Variants in DNAJC8 observed in about 807,000 individuals in gnomAD.
DNAJC8 encodes the protein dnaJ homolog subfamily C member 8.
DNAJC8 carries 24 observed loss-of-function variants against 43.2 expected under a neutral mutation model. The observed-to-expected ratio is 0.56, with a 90% confidence interval of 0.40 to 0.78. The LOEUF (loss-of-function observed/expected upper bound fraction) is 0.78, where lower values mean the gene tolerates loss of function less well. Among genes scored for constraint, DNAJC8 ranks in the 30% least tolerant of loss-of-function variants. DNAJC8 has a pLI of 0.00. For synonymous variants in DNAJC8, 83 were observed against 98.0 expected (o/e 0.85, Z 0.90); for missense variants, 207 against 299.4 (o/e 0.69, Z 2.28).
At position 28,205,254 on chromosome 1, in the gene DNAJC8, G is replaced by A. The variant is rs1254444323; in HGVS notation, c.563+4C>T. ...ATGGTTTAAATGAATATACTGATAT[G>A]TACCTTTCATGCATCTCTTTGGCTT... is the stretch of plus-strand genomic sequence containing the variant. On this transcript the variant is annotated splice_donor_region_variant and intron_variant, in intron 7 of 8. Transcript: ENST00000263697. The A allele has an allele frequency of 6.2e-7, 1 of 1,603,472 alleles. No individual in the cohort carries two copies. The highest frequency in any genetic ancestry group is 8.5e-7 in the Non-Finnish European group (1 of 1,172,620).
chr1:28,223,220 G>A (rs1318034632), intron 2 of DNAJC8, among the ~76,000 whole-genome samples: 3 of 152,192 alleles, frequency 2.0e-5, no homozygotes, highest in African/African-American at 7.2e-5. Flanking sequence ...CAGACCCCGA[G>A]TAAGAGGAGA....
At chr1:28,204,292 A>C (rs991617143) in intron 7 of DNAJC8, among the ~76,000 whole-genome samples, 1 of 152,232 alleles carries the variant, frequency 6.6e-6, no homozygotes, top group Non-Finnish European at 1.5e-5. Flanking sequence ...ATACAGAAAC[A>C]AAACTCGGCC....
chr1:28,217,624 C>T (rs1387462581), intron 2 of DNAJC8, among the ~76,000 whole-genome samples: 1 of 151,810 alleles, frequency 6.6e-6, no homozygotes, highest in Non-Finnish European at 1.5e-5. Context: ...ACTGTTCATA[C>T]AAAAATATTC....
chr1:28,218,896 G>C (rs1348488300), intron 2 of DNAJC8, among the ~76,000 whole-genome samples: 1 of 152,276 alleles, frequency 6.6e-6, no homozygotes, highest in South Asian at 2.1e-4. Flanking sequence ...ACGAGGGACT[G>C]TAACTGTTCA....
intron 4 of DNAJC8, 66 bp downstream of exon 4, chr1:28,210,505 G>T: frequency 7.1e-7 from 1 of 1,416,206 alleles, no homozygotes; most frequent in South Asian, 1.2e-5. Flanking sequence ...CTTGATCTAG[G>T]ACAAGGAACA....
At chr1:28,208,964 A>G (rs1282091581) in intron 5 of DNAJC8, among the ~76,000 whole-genome samples, 1 of 152,216 alleles carries the variant, frequency 6.6e-6, no homozygotes, top group Admixed American at 6.5e-5. Flanking sequence ...ACGAATTCAT[A>G]CAAGAATGAC....
intron 2 of DNAJC8, among the ~76,000 whole-genome samples, chr1:28,216,808 C>CTTTT (rs1178044559): frequency 1.5e-5 from 2 of 131,096 alleles, no homozygotes; most frequent in African/African-American, 5.6e-5. Flanking sequence ...GGGGCGATTT[C>CTTTT]TTTTTTTTTT....
intron 3 of DNAJC8, among the ~76,000 whole-genome samples, chr1:28,212,196 T>A (rs866665881): frequency 1.7e-4 from 19 of 114,356 alleles, no homozygotes; most frequent in Middle Eastern, 4.1e-3. Context: ...TATATATATA[T>A]ATATATATAT....
chr1:28,206,330 C>T (rs1646768193), intron 6 of DNAJC8, among the ~76,000 whole-genome samples: 2 of 152,104 alleles, frequency 1.3e-5, no homozygotes, highest in Admixed American at 6.6e-5. Flanking sequence ...TAGCTCACTG[C>T]AGCCTCAACT....
chr1:28,202,511 C>T (rs1030563759), intron 8 of DNAJC8, among the ~76,000 whole-genome samples: 1 of 151,164 alleles, frequency 6.6e-6, no homozygotes, highest in Non-Finnish European at 1.5e-5. Context: ...GATCTCCTGA[C>T]CTCATGATCC....
intron 2 of DNAJC8, among the ~76,000 whole-genome samples, chr1:28,218,758 AG>A (rs1370992186): frequency 6.6e-6 from 1 of 151,998 alleles, no homozygotes; most frequent in Admixed American, 6.6e-5. Context: ...ATACAATATT[AG>A]CCAGGCATGG....
At chr1:28,208,286 C>A (rs1182267050) in intron 6 of DNAJC8, 56 bp downstream of exon 6, 3 of 1,384,096 alleles carry the variant, frequency 2.2e-6, no homozygotes, top group Middle Eastern at 1.8e-4. Flanking sequence ...CTGTAACCCA[C>A]CAATTCGTAG....
chr1:28,210,131 G>T, intron 4 of DNAJC8, 65 bp from the exon 5 acceptor site: 1 of 1,423,640 alleles, frequency 7.0e-7, no homozygotes, highest in Non-Finnish European at 9.9e-7. Context: ...ACTATACTCA[G>T]GCAGTGTAAA....
intron 2 of DNAJC8, among the ~76,000 whole-genome samples, chr1:28,223,926 T>C (rs1238938207): frequency 2.6e-5 from 4 of 152,128 alleles, no homozygotes; most frequent in South Asian, 4.1e-4. Context: ...TTGATTTCTA[T>C]ATATCATTCT....
At chr1:28,217,660 A>G (rs1646868125) in intron 2 of DNAJC8, among the ~76,000 whole-genome samples, 1 of 151,982 alleles carries the variant, frequency 6.6e-6, no homozygotes, top group Non-Finnish European at 1.5e-5. Flanking sequence ...GTTCTGAGGA[A>G]AAGGAATCTC....
chr1:28,218,374 C>T (rs563964282), intron 2 of DNAJC8, among the ~76,000 whole-genome samples: 12 of 151,808 alleles, frequency 7.9e-5, no homozygotes, highest in East Asian at 3.9e-4. Context: ...GGATTACAGG[C>T]GTGAGCCACC....
chr1:28,211,041 G>A (rs1646807028), intron 3 of DNAJC8, among the ~76,000 whole-genome samples: 1 of 152,146 alleles, frequency 6.6e-6, no homozygotes, highest in Admixed American at 6.6e-5. Flanking sequence ...AGACATGGTG[G>A]TGGTCGCCTG....
chr1:28,210,416 T>C, intron 4 of DNAJC8, 155 bp downstream of exon 4: 2 of 648,400 alleles, frequency 3.1e-6, no homozygotes, highest in Non-Finnish European at 5.3e-6. Context: ...AACAACAACA[T>C]TCTGCTTTGA....
chr1:28,211,725 T>C (rs1320926454), intron 3 of DNAJC8, among the ~76,000 whole-genome samples: 1 of 152,184 alleles, frequency 6.6e-6, no homozygotes, highest in East Asian at 1.9e-4. Context: ...TTAGCCCTTA[T>C]TTTGTTAGGT....
Sources: allele counts gnomAD v4.1 joint callset (sites outside exome capture counted in the v4.1 genomes callset), GRCh38; gene constraint gnomAD v4.1.1; transcripts MANE v1.5; gene names NCBI Gene and HGNC (gene_info 2026-07-23, HGNC 2026-07-21).